MGAT4C: variants seen among roughly 807,000 people sequenced by gnomAD.
MGAT4C encodes the protein MGAT4 family member C, also known as alpha-1,3-mannosyl-glycoprotein 4-beta-N-acetylglucosaminyltransferase C.
A neutral mutation model predicts 40.1 loss-of-function variants in MGAT4C; 19 were observed. That is an observed-to-expected ratio of 0.47 (90% confidence interval 0.33 to 0.70). The LOEUF (loss-of-function observed/expected upper bound fraction) is 0.70. Among genes scored for constraint, MGAT4C ranks in the 30% least tolerant of loss-of-function variants. The pLI is 0.02. For synonymous variants in MGAT4C, 181 were observed against 187.1 expected (o/e 0.97, Z 0.27); for missense variants, 491 against 563.2 (o/e 0.87, Z 1.30).
At chr12:86,196,188 T>G (rs1002261168) in intron 1 of MGAT4C, among the ~76,000 whole-genome samples, 6 of 152,370 alleles carry the variant, frequency 3.9e-5, no homozygotes, top group African/African-American at 1.4e-4. Flanking sequence ...ACCTTATTGC[T>G]GTATCCTCAC....
At position 86,119,356 on chromosome 12, in the gene MGAT4C, G is replaced by A. The variant is rs150830635; in HGVS notation, c.-56-69633C>T. On this transcript the variant is annotated intron_variant, in intron 1 of 4. Transcript: ENST00000611864. The stretch of plus-strand genomic sequence containing the variant: ...CATCTATTACTAAATTTCATAGACA[G>A]CAGTTACTCTAAACCCCATATTCTG... Among the ~76,000 whole-genome samples, 362 of 152,128 alleles carry A rather than the reference G, an allele frequency of 2.4e-3. 6 individuals carry two copies. In the East Asian group the frequency reaches 0.057, roughly 24 times the overall value.
At chr12:86,753,171 A>G (rs1180016283) in intron 1 of MGAT4C, among the ~76,000 whole-genome samples, 2 of 152,146 alleles carry the variant, frequency 1.3e-5, no homozygotes, top group Non-Finnish European at 2.9e-5. Flanking sequence ...TCTCTCCAGC[A>G]AGGTAACATG....
At chr12:86,270,463 G>C (rs568590085) in intron 4 of MGAT4C, among the ~76,000 whole-genome samples, 1 of 152,122 alleles carries the variant, frequency 6.6e-6, no homozygotes, top group African/African-American at 2.4e-5. Flanking sequence ...TCTATTTTCT[G>C]TCTCTATGAA....
intron 4 of MGAT4C, among the ~76,000 whole-genome samples, chr12:86,326,017 T>G (rs1311243031): frequency 6.6e-6 from 1 of 152,144 alleles, no homozygotes; most frequent in African/African-American, 2.4e-5. Flanking sequence ...CCATCTTGAC[T>G]CTGCTAACTA....
chr12:86,587,899 G>A (rs1419830594), intron 2 of MGAT4C, among the ~76,000 whole-genome samples: 3 of 151,834 alleles, frequency 2.0e-5, no homozygotes, highest in South Asian at 2.1e-4. Context: ...TGCAAACAGG[G>A]ACAATTTGAC....
At chr12:86,564,283 T>C (rs1959991001) in intron 2 of MGAT4C, among the ~76,000 whole-genome samples, 1 of 152,052 alleles carries the variant, frequency 6.6e-6, no homozygotes, top group African/African-American at 2.4e-5. Flanking sequence ...ACCATTGATT[T>C]GGCAAATCCC....
At chr12:86,516,122 A>G (rs1958683508) in intron 2 of MGAT4C, among the ~76,000 whole-genome samples, 1 of 152,134 alleles carries the variant, frequency 6.6e-6, no homozygotes. Context: ...TAAAATTCAC[A>G]TAGAAACACA....
Position 85,957,657 on chromosome 12 carries a change from C to CAAAAAAAAAAAAAAAAGA in MGAT4C, c.*21614_*21631dup, listed in dbSNP as rs1198928059. Reference sequence around the variant, plus strand: ...TTTACTGTAGAGTTGAATAAGAAAGCAAAAAAAAAAAAAAAAGAAAAAAGA... The same window carrying CAAAAAAAAAAAAAAAAGA: ...TTTACTGTAGAGTTGAATAAGAAAGCAAAAAAAAAAAAAAAAGAAAAAAAAAAAAAAAAAGAAAAAAGA... On this transcript the variant is annotated 3_prime_UTR_variant, in exon 5 of 5. Coordinates refer to ENST00000611864, the MANE Select transcript of MGAT4C (RefSeq NM_001351288.2). 4.8e-4 allele frequency: 48 copies of CAAAAAAAAAAAAAAAAGA among 101,048 alleles called. No homozygotes were observed. Among genetic ancestry groups the CAAAAAAAAAAAAAAAAGA allele is most frequent in the South Asian group, 1.3e-3 (4 of 2,992 alleles). 6.3% of individuals were successfully genotyped at this position (101,048 alleles called of 1,614,324 possible).
intron 1 of MGAT4C, among the ~76,000 whole-genome samples, chr12:86,827,501 C>G (rs76023612): frequency 0.11 from 16,609 of 151,316 alleles, 1,167 homozygotes; most frequent in Non-Finnish European, 0.15. Context: ...CATGAGTATA[C>G]TTGTAGATTT....
At chr12:86,779,689 G>A (rs970682714) in intron 1 of MGAT4C, among the ~76,000 whole-genome samples, 12 of 152,002 alleles carry the variant, frequency 7.9e-5, no homozygotes, top group African/African-American at 1.2e-4. Flanking sequence ...CAAGGCGGGC[G>A]GATCACGAGG....
chr12:86,417,097 T>G (rs1408586990), intron 3 of MGAT4C, among the ~76,000 whole-genome samples: 1 of 152,078 alleles, frequency 6.6e-6, no homozygotes, highest in Non-Finnish European at 1.5e-5. Flanking sequence ...CAATAAAAAT[T>G]ATCACCAACA....
At chr12:86,395,370 C>A (rs1247113937) in intron 3 of MGAT4C, among the ~76,000 whole-genome samples, 1 of 151,930 alleles carries the variant, frequency 6.6e-6, no homozygotes, top group Non-Finnish European at 1.5e-5. Flanking sequence ...TTAGAGCATT[C>A]ACAGGGAAAA....
At position 86,479,863 on chromosome 12, in the gene MGAT4C, T is replaced by A. The variant is rs73387891; in HGVS notation, c.-228-44598A>T. Among the ~76,000 whole-genome samples the A allele has an allele frequency of 2.8e-3, 426 of 151,960 alleles. 2 individuals carry two copies. The highest frequency in any genetic ancestry group is 1.0e-2 in the African/African-American group (414 of 41,524). On this transcript the variant is annotated intron_variant, in intron 2 of 7. Transcript: ENST00000548651. ...ATCAAAGTTGCAAAAAAGACTAGAA[T>A]AGAAAACTGATCACACTTTGGAAGT... is the stretch of plus-strand genomic sequence containing the variant.
chr12:86,809,137 A>G (rs1952421744), intron 1 of MGAT4C, among the ~76,000 whole-genome samples: 1 of 152,166 alleles, frequency 6.6e-6, no homozygotes, highest in Non-Finnish European at 1.5e-5. Context: ...CAAAGAGGAC[A>G]CAAAGAAATG....
chr12:86,168,789 A>T lies in MGAT4C; in HGVS notation c.-57+87450T>A, dbSNP rs75659024. Among the ~76,000 whole-genome samples the T allele has an allele frequency of 1.6e-4, 25 of 152,274 alleles. No individual in the cohort carries two copies. The East Asian group carries it at 4.6e-3, about 28-fold the overall frequency. On this transcript the variant is annotated intron_variant, in intron 1 of 4. Coordinates refer to ENST00000611864, the MANE Select transcript of MGAT4C (RefSeq NM_001351288.2). ...TGTGAGAATTTAGTAAATACAGATG[A>T]CCTGACATGCAGTGTCTGAGGTAAT... is the stretch of plus-strand genomic sequence containing the variant.
Position 86,049,679 on chromosome 12 carries a change from G to A in MGAT4C, c.-12C>T, listed in dbSNP as rs1343143229. On this transcript the variant is annotated 5_prime_UTR_variant, in exon 2 of 5. Coordinates refer to ENST00000611864, the MANE Select transcript of MGAT4C (RefSeq NM_001351288.2). ...TGAATGACATAGAATCTCACCTTAA[G>A]AAAGACGCTGTCATAATCTGTGCTG... 2 of 983,598 alleles carry A rather than the reference G, an allele frequency of 2.0e-6. No homozygotes were observed. The highest frequency in any genetic ancestry group is 2.4e-6 in the Non-Finnish European group (2 of 828,178). 60.9% of individuals were successfully genotyped at this position (983,598 alleles called of 1,614,324 possible). A position where few individuals can be genotyped will look rare whatever the true frequency, so the allele number is the denominator to read the frequency against.
chr12:86,146,671 C>T (rs1883557956), intron 1 of MGAT4C, among the ~76,000 whole-genome samples: 1 of 151,728 alleles, frequency 6.6e-6, no homozygotes. Context: ...CTTCTCTTCC[C>T]ATGAATTTTA....
intron 2 of MGAT4C, among the ~76,000 whole-genome samples, chr12:86,451,868 T>C (rs1354170892): frequency 1.3e-5 from 2 of 152,164 alleles, no homozygotes; most frequent in African/African-American, 4.8e-5. Context: ...ACAATTTTAA[T>C]TATAGTTCTC....
chr12:86,832,576 C>T (rs1952951641), intron 1 of MGAT4C, among the ~76,000 whole-genome samples: 1 of 151,726 alleles, frequency 6.6e-6, no homozygotes, highest in Non-Finnish European at 1.5e-5. Context: ...AAAATAAGCA[C>T]CATATTATCT....
Sources: gnomAD v4.1 joint callset for allele counts (sites outside exome capture counted in the v4.1 genomes callset) on GRCh38, gnomAD v4.1.1 for gene constraint, MANE v1.5 for transcripts, NCBI Gene and HGNC (gene_info 2026-07-23, HGNC 2026-07-21) for gene names.